The following FARP1 variants were observed in gnomAD, a reference collection of about 807,000 sequenced individuals.
The protein encoded by FARP1 is FERM, ARHGEF and pleckstrin domain-containing protein 1.
Under a neutral mutation model 128.8 loss-of-function variants are expected in FARP1, and 52 were observed. That is an observed-to-expected ratio of 0.40 (90% confidence interval 0.32 to 0.51). The LOEUF is 0.51. Among genes scored for constraint, FARP1 ranks in the 20% least tolerant of loss-of-function variants. The pLI is 0.45. For missense variants in FARP1, 1,333 were observed against 1,367.9 expected (o/e 0.97, Z 0.40); for synonymous variants, 580 against 551.8 (o/e 1.05, Z -0.72).
At chr13:98,156,033 G>A (rs866525169) in intron 1 of FARP1, among the ~76,000 whole-genome samples, 3 of 152,172 alleles carry the variant, frequency 2.0e-5, no homozygotes, top group South Asian at 2.1e-4. Flanking sequence ...AAGTTAGGTC[G>A]TCTGGAGCAA....
At chr13:98,143,681 C>T (rs1173460649) in intron 1 of FARP1, among the ~76,000 whole-genome samples, 189 bp downstream of exon 1, 1 of 151,352 alleles carries the variant, frequency 6.6e-6, no homozygotes, top group Non-Finnish European at 1.5e-5. Context: ...CGGGCAGCCC[C>T]GGCCACCATC....
intron 2 of FARP1, among the ~76,000 whole-genome samples, chr13:98,308,184 G>A (rs1276773153): frequency 6.6e-6 from 1 of 151,516 alleles, no homozygotes; most frequent in East Asian, 1.9e-4. Flanking sequence ...TATCACATTT[G>A]ACTTTGTTTA....
intron 16 of FARP1, among the ~76,000 whole-genome samples, chr13:98,422,649 T>C (rs955783611): frequency 7.2e-5 from 11 of 152,216 alleles, no homozygotes; most frequent in African/African-American, 2.7e-4. Context: ...GCCTGGAATG[T>C]GAAGCCAGGA....
intron 2 of FARP1, among the ~76,000 whole-genome samples, chr13:98,339,703 C>T (rs1336058497): frequency 2.6e-5 from 4 of 152,186 alleles, no homozygotes; most frequent in South Asian, 4.1e-4. Context: ...AAGTTGACAT[C>T]ACCCTATAAA....
In FARP1 at chr13:98,453,145, A is replaced by C; in HGVS notation, c.*4828A>C. ...GGAGGATGAAGAAGGAAAAAAGGAA[A>C]AACAAAACCCCAAATGCCAAAGGAA... On this transcript the variant is annotated 3_prime_UTR_variant, in exon 27 of 27. Coordinates refer to ENST00000319562, the MANE Select transcript of FARP1 (RefSeq NM_005766.4). 1.2e-6 allele frequency: 2 copies of C among 1,613,516 alleles called. No homozygotes were observed. The highest frequency in any genetic ancestry group is 2.2e-5 in the South Asian group (2 of 91,024).
At chr13:98,199,841 A>G (rs1879819139) in intron 1 of FARP1, among the ~76,000 whole-genome samples, 1 of 152,232 alleles carries the variant, frequency 6.6e-6, no homozygotes, top group Admixed American at 6.5e-5. Context: ...CCTTAGAGGT[A>G]GAATGAGGGG....
chr13:98,424,598 G>A lies in FARP1; in HGVS notation c.1853G>A (p.Arg618Lys). 2 of 1,613,950 alleles carry A rather than the reference G, an allele frequency of 1.2e-6. No homozygotes were observed. Among genetic ancestry groups the A allele is most frequent in the Non-Finnish European group, 1.7e-6 (2 of 1,179,820 alleles). ...GAAGGCCGCTCAAATGCCCAAATCAGAGATTACCAAAGAATCGGCGATGTC... is the reference window on the plus strand; with the variant it reads ...GAAGGCCGCTCAAATGCCCAAATCAAAGATTACCAAAGAATCGGCGATGTC... ...LWEGRSNAQI[R>K]DYQRIGDVML... is the part of the protein sequence containing the mutation. The change falls in exon 17 of 27, where the codon AGA becomes AAA. Residue 618 changes from arginine (R) to lysine (K), a missense_variant. Arg to Lys is a conservative substitution (Grantham distance 26). Transcript: ENST00000319562.
intron 1 of FARP1, among the ~76,000 whole-genome samples, chr13:98,181,807 A>C (rs1226817765): frequency 6.6e-6 from 1 of 151,940 alleles, no homozygotes; most frequent in Non-Finnish European, 1.5e-5. Flanking sequence ...GATGTTGGTA[A>C]CATTTTTTGA....
chr13:98,348,109 G>A (rs1888254666), intron 3 of FARP1, among the ~76,000 whole-genome samples: 1 of 152,196 alleles, frequency 6.6e-6, no homozygotes, highest in Admixed American at 6.5e-5. Context: ...TCTCAAGATT[G>A]TAAATAAACT....
intron 2 of FARP1, among the ~76,000 whole-genome samples, chr13:98,285,220 A>T (rs1342802159): frequency 1.3e-5 from 2 of 152,214 alleles, no homozygotes; most frequent in Non-Finnish European, 2.9e-5. Context: ...AAAATGTAAC[A>T]TGTACACATT....
chr13:98,296,542 C>T (rs1885705361), intron 2 of FARP1, among the ~76,000 whole-genome samples: 1 of 152,018 alleles, frequency 6.6e-6, no homozygotes, highest in African/African-American at 2.4e-5. Flanking sequence ...ACATCCTCCA[C>T]TCCTAGCACA....
intron 1 of FARP1, among the ~76,000 whole-genome samples, chr13:98,203,461 AGCCT>A (rs1183578740): frequency 2.0e-5 from 3 of 152,234 alleles, no homozygotes; most frequent in Non-Finnish European, 1.5e-5. Context: ...CTCCTGATAA[AGCCT>A]TGGCTGGATA....
chr13:98,391,414 G>A (rs979409066), intron 11 of FARP1, among the ~76,000 whole-genome samples: 1 of 152,054 alleles, frequency 6.6e-6, no homozygotes, highest in African/African-American at 2.4e-5. Context: ...GAGTAGCTGG[G>A]ACCACAGGTG....
chr13:98,216,193 G>A (rs1881053524), intron 2 of FARP1, among the ~76,000 whole-genome samples: 1 of 152,102 alleles, frequency 6.6e-6, no homozygotes, highest in Non-Finnish European at 1.5e-5. Flanking sequence ...ATTTTTATTG[G>A]TGGAGCTGAT....
intron 2 of FARP1, among the ~76,000 whole-genome samples, chr13:98,237,097 G>T (rs977358261): frequency 6.6e-5 from 10 of 152,058 alleles, no homozygotes; most frequent in African/African-American, 2.4e-4. Context: ...TTGAAGTCAG[G>T]AGTTCAAGAC....
intron 2 of FARP1, among the ~76,000 whole-genome samples, chr13:98,341,760 GAA>G (rs953670149): frequency 9.9e-5 from 15 of 152,236 alleles, no homozygotes; most frequent in African/African-American, 3.6e-4. Context: ...CAGTCACTGG[GAA>G]TGTACATAGT....
intron 1 of FARP1, among the ~76,000 whole-genome samples, chr13:98,150,123 C>T (rs1023584937): frequency 1.2e-4 from 18 of 149,424 alleles, no homozygotes; most frequent in Admixed American, 5.3e-4. Context: ...ACTGCAACCT[C>T]TGCCTCCCAG....
At chr13:98,326,248 C>T (rs1203548124) in intron 2 of FARP1, among the ~76,000 whole-genome samples, 1 of 152,182 alleles carries the variant, frequency 6.6e-6, no homozygotes, top group Non-Finnish European at 1.5e-5. Context: ...GTTCTGGAAA[C>T]ATTCTTTTTC....
At chr13:98,417,464 A>AGG (rs1282270428) in intron 16 of FARP1, among the ~76,000 whole-genome samples, 12,292 of 128,004 alleles carry the variant, frequency 0.096, 1,016 homozygotes, top group Non-Finnish European at 0.14. Context: ...TGAAAAAAAA[A>AGG]AAAAAAAAAA....
Sources: allele counts gnomAD v4.1 joint callset (sites outside exome capture counted in the v4.1 genomes callset), GRCh38; gene constraint gnomAD v4.1.1; transcripts MANE v1.5; gene names NCBI Gene and HGNC (gene_info 2026-07-23, HGNC 2026-07-21).